The following TMEM164 variants were observed in gnomAD, a reference collection of about 807,000 sequenced individuals.
TMEM164 encodes transmembrane protein 164.
Under a neutral mutation model 18.8 loss-of-function variants are expected in TMEM164, and 4 were observed. The observed-to-expected ratio is 0.21, with a 90% confidence interval of 0.10 to 0.49. The LOEUF is 0.49. TMEM164 is among the 20% of genes least tolerant of loss of function. The pLI, the probability that TMEM164 is intolerant of heterozygous loss-of-function variation, is 0.98. For missense variants in TMEM164, 108 were observed against 239.9 expected (o/e 0.45, Z 3.63); for synonymous variants, 86 against 101.7 (o/e 0.85, Z 0.93).
intron 2 of TMEM164, among the ~76,000 whole-genome samples, chrX:110,013,203 A>C (rs1239033199): frequency 8.9e-6 from 1 of 112,377 alleles, no homozygotes; most frequent in Non-Finnish European, 1.9e-5. Flanking sequence ...TGTCTTTGCC[A>C]ATCGACCAGC....
chrX:110,053,965 G>A (rs1935696642), intron 2 of TMEM164, among the ~76,000 whole-genome samples: 1 of 111,668 alleles, frequency 9.0e-6, no homozygotes, highest in Non-Finnish European at 1.9e-5. Flanking sequence ...TTATATGTCC[G>A]ATGGTGTGTT....
Position 110,107,767 on chromosome X carries a change from C to G in TMEM164, c.441-1313C>G, listed in dbSNP as rs2066228235. 2.8e-5 allele frequency among the ~76,000 whole-genome samples: 3 copies of G among 107,510 alleles called. No individual in the cohort carries two copies. The South Asian group carries it at 1.3e-3, about 46-fold the overall frequency. 93.4% of individuals were successfully genotyped at this position (107,510 alleles called of 115,157 possible). A position where few individuals can be genotyped will look rare whatever the true frequency, so the allele number is the denominator to read the frequency against. On this transcript the variant is annotated intron_variant, in intron 3 of 6. Transcript: ENST00000372068. ...CTCCGCCTCCTGAGTTCAAGCGATT[C>G]TTGTGCCTCAGCCTCCCGAGTAGCC...
At chrX:110,141,902 A>G (rs1259431925) in intron 4 of TMEM164, among the ~76,000 whole-genome samples, 4 of 109,753 alleles carry the variant, frequency 3.6e-5, no homozygotes, top group African/African-American at 1.0e-4. Flanking sequence ...TCCTTAACCT[A>G]TTTCCTCTTT....
At chrX:110,148,618 C>T (rs2066892957) in intron 5 of TMEM164, among the ~76,000 whole-genome samples, 1 of 109,434 alleles carries the variant, frequency 9.1e-6, no homozygotes, top group Non-Finnish European at 1.9e-5. Flanking sequence ...ACATGGTCCT[C>T]CCACCTCAGC....
At chrX:110,077,783 C>T (rs2065694147) in intron 3 of TMEM164, among the ~76,000 whole-genome samples, 1 of 111,894 alleles carries the variant, frequency 8.9e-6, no homozygotes, top group Admixed American at 9.5e-5. Context: ...AAAATAGGCC[C>T]CCAGTCTCTT....
intron 2 of TMEM164, among the ~76,000 whole-genome samples, chrX:110,038,258 T>C (rs1021957939): frequency 2.0e-4 from 22 of 111,332 alleles, no homozygotes; most frequent in Non-Finnish European, 3.6e-4. Context: ...CCCAAAGTGC[T>C]GGGATTACAG....
intron 2 of TMEM164, among the ~76,000 whole-genome samples, chrX:110,027,755 G>A (rs1051799896): frequency 8.2e-5 from 9 of 109,802 alleles, no homozygotes; most frequent in Non-Finnish European, 1.7e-4. Flanking sequence ...GCAAGACTCC[G>A]TCTCAAAAAA....
At chrX:110,078,725 A>G (rs1158806696) in intron 3 of TMEM164, among the ~76,000 whole-genome samples, 2 of 111,817 alleles carry the variant, frequency 1.8e-5, no homozygotes, top group African/African-American at 6.5e-5. Flanking sequence ...AGGCTGAGGC[A>G]GGAGAATTGC....
At chrX:110,116,983 C>G (rs1054400483) in intron 4 of TMEM164, among the ~76,000 whole-genome samples, 1 of 109,955 alleles carries the variant, frequency 9.1e-6, no homozygotes, top group Non-Finnish European at 1.9e-5. Flanking sequence ...GACCTCAGTT[C>G]TCTCATCTAT....
Position 110,041,092 on chromosome X carries a change from T to G in TMEM164, c.391-26255T>G, listed in dbSNP as rs1198375359. ...TTGTCGCTTCTGTTATGGTTTTACT[T>G]AAATGAATTATCAGATCAGACCCCT... is the stretch of plus-strand genomic sequence containing the variant. On this transcript the variant is annotated intron_variant, in intron 2 of 6. Transcript: ENST00000372068. 2.7e-5 allele frequency among the ~76,000 whole-genome samples: 3 copies of G among 112,317 alleles called. No individual in the cohort carries two copies. The Admixed American group carries it at 2.8e-4, about 11-fold the overall frequency.
intron 2 of TMEM164, among the ~76,000 whole-genome samples, chrX:110,066,315 G>A (rs1012869310): frequency 8.9e-6 from 1 of 112,065 alleles, no homozygotes; most frequent in Non-Finnish European, 1.9e-5. Flanking sequence ...AGGGACACAT[G>A]TCAACGATTT....
At chrX:110,024,465 G>A (rs914617485) in intron 2 of TMEM164, among the ~76,000 whole-genome samples, 2 of 111,420 alleles carry the variant, frequency 1.8e-5, no homozygotes, top group African/African-American at 3.3e-5. Flanking sequence ...TAAATTTTTT[G>A]TAGAGACAGG....
intron 3 of TMEM164, among the ~76,000 whole-genome samples, chrX:110,079,621 T>G (rs1400510797): frequency 8.9e-6 from 1 of 111,979 alleles, no homozygotes; most frequent in Non-Finnish European, 1.9e-5. Context: ...ATGGGGAAAG[T>G]TTGCTCATCT....
At chrX:110,082,947 A>AT (rs1189602841) in intron 3 of TMEM164, among the ~76,000 whole-genome samples, 1 of 111,411 alleles carries the variant, frequency 9.0e-6, no homozygotes, top group Non-Finnish European at 1.9e-5. Context: ...TCCCTTGTTG[A>AT]TTTGTATGAG....
In TMEM164 at chrX:110,103,082, G is replaced by T. The variant is rs188809826; in HGVS notation, c.441-5998G>T. On this transcript the variant is annotated intron_variant, in intron 3 of 6. Transcript: ENST00000372068. ...ATTGCCTCAGATTCTTACCAGCTAAGCAGACTCAGTGTAGCATCCTATACA... is the reference window on the plus strand; with the variant it reads ...ATTGCCTCAGATTCTTACCAGCTAATCAGACTCAGTGTAGCATCCTATACA... 1.8e-4 allele frequency among the ~76,000 whole-genome samples: 20 copies of T among 112,538 alleles called. No homozygotes were observed. In the East Asian group the frequency reaches 5.5e-3, roughly 31 times the overall value.
At chrX:110,015,299 G>A (rs982003647) in intron 2 of TMEM164, among the ~76,000 whole-genome samples, 1 of 111,730 alleles carries the variant, frequency 9.0e-6, no homozygotes, top group Non-Finnish European at 1.9e-5. Flanking sequence ...TCTTAGTCTT[G>A]GAGGTGGGAG....
chrX:110,047,913 C>T (rs1167015131), intron 2 of TMEM164, among the ~76,000 whole-genome samples: 7 of 111,730 alleles, frequency 6.3e-5, no homozygotes. Context: ...GGGGAAAAGC[C>T]TCAGGGTTCA....
At chrX:110,055,855 G>C (rs775212479) in intron 2 of TMEM164, among the ~76,000 whole-genome samples, 3 of 110,926 alleles carry the variant, frequency 2.7e-5, no homozygotes, top group African/African-American at 9.9e-5. Flanking sequence ...AATTCATCTT[G>C]GTTGGATAGA....
At chrX:110,145,680 G>T (rs921178536) in intron 5 of TMEM164, among the ~76,000 whole-genome samples, 1 of 111,955 alleles carries the variant, frequency 8.9e-6, no homozygotes, top group Non-Finnish European at 1.9e-5. Flanking sequence ...AGGCAGCAAG[G>T]GTTTCATTTC....
Sources: gnomAD v4.1 joint callset for allele counts (sites outside exome capture counted in the v4.1 genomes callset) on GRCh38, gnomAD v4.1.1 for gene constraint, MANE v1.5 for transcripts, NCBI Gene and HGNC (gene_info 2026-07-23, HGNC 2026-07-21) for gene names.